Variants in DOK6 observed in about 807,000 individuals in gnomAD.
DOK6 encodes downstream of tyrosine kinase 6.
A neutral mutation model predicts 44.0 loss-of-function variants in DOK6; 22 were observed. That is an observed-to-expected ratio of 0.50 (90% CI 0.36 to 0.71). The LOEUF is 0.71. DOK6 is among the 30% of genes least tolerant of loss of function. The pLI is 0.00. For synonymous variants in DOK6, 166 were observed against 145.5 expected (o/e 1.14, Z -1.01); for missense variants, 340 against 416.4 (o/e 0.82, Z 1.60).
At chr18:69,771,693 C>T (rs1224427134) in intron 7 of DOK6, among the ~76,000 whole-genome samples, 3 of 151,922 alleles carry the variant, frequency 2.0e-5, no homozygotes, top group African/African-American at 7.2e-5. Flanking sequence ...TAGCTAACTA[C>T]AGCAGATTTA....
chr18:69,725,189 C>T (rs955242498), intron 5 of DOK6, among the ~76,000 whole-genome samples: 3 of 152,148 alleles, frequency 2.0e-5, no homozygotes, highest in Admixed American at 2.0e-4. Context: ...ATAAACTACT[C>T]CAAACAAGCG....
At chr18:69,776,658 T>G (rs1233760301) in intron 7 of DOK6, among the ~76,000 whole-genome samples, 1 of 151,948 alleles carries the variant, frequency 6.6e-6, no homozygotes, top group Non-Finnish European at 1.5e-5. Flanking sequence ...ACTAAAGACA[T>G]CATCACAACC....
intron 3 of DOK6, chr18:69,662,718 GA>G (rs1223581120): frequency 2.6e-5 from 4 of 152,182 alleles, no homozygotes; most frequent in African/African-American, 9.7e-5. Context: ...CTGCACTTTT[GA>G]AGATTAATTT....
At chr18:69,743,805 A>G (rs994485896) in intron 6 of DOK6, among the ~76,000 whole-genome samples, 4 of 135,552 alleles carry the variant, frequency 3.0e-5, no homozygotes, top group Non-Finnish European at 4.7e-5. Flanking sequence ...TCACAAAATG[A>G]GAATTTCAGT....
rs550890867 is a variant in DOK6, at chr18:69,459,284, T to C, written c.66+57974T>C. 4.0e-5 allele frequency among the ~76,000 whole-genome samples: 6 copies of C among 150,358 alleles called. No homozygotes were observed. The South Asian group carries it at 1.3e-3, about 32-fold the overall frequency. ...CCAAACTCAATAAATTAAATTTTAG[T>C]AACCCCTAAAATTAGCCTTTTATAC... is the stretch of plus-strand genomic sequence containing the variant. On this transcript the variant is annotated intron_variant, in intron 1 of 7. Coordinates refer to ENST00000382713, the MANE Select transcript of DOK6 (RefSeq NM_152721.6).
chr18:69,774,139 T>TATATATATATATATATATATATATG (rs1568122499), intron 7 of DOK6, among the ~76,000 whole-genome samples: 2 of 119,880 alleles, frequency 1.7e-5, no homozygotes, highest in Non-Finnish European at 3.3e-5. Context: ...ATGAGATATA[T>TATATATATATATATATATATATATG]ATATATATAT....
chr18:69,656,897 C>A (rs1256488451), intron 3 of DOK6, among the ~76,000 whole-genome samples: 3 of 152,124 alleles, frequency 2.0e-5, no homozygotes, highest in Non-Finnish European at 2.9e-5. Flanking sequence ...TCTTCTGAAT[C>A]AGAAATTCCA....
intron 2 of DOK6, among the ~76,000 whole-genome samples, chr18:69,566,081 T>C (rs1049831056): frequency 6.6e-6 from 1 of 152,154 alleles, no homozygotes; most frequent in Non-Finnish European, 1.5e-5. Flanking sequence ...TGACATATAC[T>C]AGTTGGAGCT....
chr18:69,810,895 C>T, intron 7 of DOK6, among the ~76,000 whole-genome samples: 1 of 151,854 alleles, frequency 6.6e-6, no homozygotes, highest in Non-Finnish European at 1.5e-5. Flanking sequence ...GTATGGAGGT[C>T]ATTCAAAAAA....
At chr18:69,447,442 G>GT (rs1979328499) in intron 1 of DOK6, among the ~76,000 whole-genome samples, 1 of 152,114 alleles carries the variant, frequency 6.6e-6, no homozygotes, top group Non-Finnish European at 1.5e-5. Context: ...GTACCATGCT[G>GT]TTTTGGTTAC....
chr18:69,560,474 C>T (rs1017460082), intron 1 of DOK6, among the ~76,000 whole-genome samples: 4 of 151,808 alleles, frequency 2.6e-5, no homozygotes, highest in Non-Finnish European at 5.9e-5. Context: ...AACAAATATT[C>T]CAAACTACTG....
chr18:69,736,333 G>A (rs1978606422), intron 5 of DOK6, among the ~76,000 whole-genome samples: 1 of 151,876 alleles, frequency 6.6e-6, no homozygotes, highest in Admixed American at 6.6e-5. Flanking sequence ...CAAAAACAAA[G>A]AAAATTCTGG....
chr18:69,772,904 A>G (rs1979930639), intron 7 of DOK6, among the ~76,000 whole-genome samples: 1 of 152,098 alleles, frequency 6.6e-6, no homozygotes, highest in African/African-American at 2.4e-5. Flanking sequence ...GAAGCAGTCA[A>G]CCTGTGGAAT....
At chr18:69,529,907 A>G (rs1981936976) in intron 1 of DOK6, among the ~76,000 whole-genome samples, 1 of 152,170 alleles carries the variant, frequency 6.6e-6, no homozygotes, top group Non-Finnish European at 1.5e-5. Context: ...ATATTATCTC[A>G]TATTTGTAGC....
intron 7 of DOK6, among the ~76,000 whole-genome samples, chr18:69,777,733 G>T (rs914252658): frequency 7.3e-6 from 1 of 136,192 alleles, no homozygotes; most frequent in Non-Finnish European, 1.5e-5. Flanking sequence ...GTCTAGACAG[G>T]ACTGTCCCCT....
chr18:69,505,443 T>G (rs1981155777), intron 1 of DOK6, among the ~76,000 whole-genome samples: 1 of 151,922 alleles, frequency 6.6e-6, no homozygotes, highest in Non-Finnish European at 1.5e-5. Flanking sequence ...AAATCATGGC[T>G]TCAGAATTAA....
chr18:69,448,401 C>T (rs924927904), intron 1 of DOK6, among the ~76,000 whole-genome samples: 6 of 151,970 alleles, frequency 3.9e-5, no homozygotes, highest in Admixed American at 3.9e-4. Context: ...GACAGAGTTT[C>T]ACTCTTGTTG....
At chr18:69,745,092 CTTT>C (rs1412828297) in intron 6 of DOK6, among the ~76,000 whole-genome samples, 1 of 152,074 alleles carries the variant, frequency 6.6e-6, no homozygotes, top group African/African-American at 2.4e-5. Flanking sequence ...CTATCATGTT[CTTT>C]TTTCTTAAAA....
At chr18:69,622,493 TTTTG>T (rs1380473714) in intron 3 of DOK6, among the ~76,000 whole-genome samples, 1 of 152,242 alleles carries the variant, frequency 6.6e-6, no homozygotes, top group Non-Finnish European at 1.5e-5. Context: ...CAACAGGATT[TTTTG>T]TTTAAGTATA....
Sources: gnomAD v4.1 joint callset for allele counts (sites outside exome capture counted in the v4.1 genomes callset) on GRCh38, gnomAD v4.1.1 for gene constraint, MANE v1.5 for transcripts, NCBI Gene and HGNC (gene_info 2026-07-23, HGNC 2026-07-21) for gene names.